The following MAP3K20 variants were observed in gnomAD, a reference collection of about 807,000 sequenced individuals.
MAP3K20 encodes mitogen-activated protein kinase kinase kinase 20.
MAP3K20 carries 40 observed loss-of-function variants against 85.7 expected under a neutral mutation model. That is an observed-to-expected ratio of 0.47 (90% CI 0.36 to 0.61). MAP3K20 has a LOEUF of 0.61. MAP3K20 is among the 20% of genes least tolerant of loss of function. The pLI is 0.00. For missense variants in MAP3K20, 817 were observed against 961.7 expected, an observed-to-expected ratio of 0.85 and a Z score of 1.99; for synonymous variants, 325 against 327.7, an observed-to-expected ratio of 0.99 and a Z score of 0.09.
rs947503119 is a variant in MAP3K20, at chr2:173,198,129, C to A, written c.669+17C>A. On this transcript the variant is annotated intron_variant, in intron 8 of 19. Transcript: ENST00000375213. The surrounding 1 kb of genome is among the most constrained non-coding windows in gnomAD (Gnocchi z 5.8). ...AAAAACGAGGTAAGACTACGTTTCT[C>A]CATTCAGGTACATAGATCAGAAAAC... 1 of 1,604,814 alleles carries A rather than the reference C, an allele frequency of 6.2e-7. No homozygotes were observed. Among genetic ancestry groups the A allele is most frequent in the South Asian group, 1.1e-5 (1 of 90,352 alleles).
chr2:173,128,184 C>T (rs1323463364), intron 2 of MAP3K20, among the ~76,000 whole-genome samples: 1 of 152,158 alleles, frequency 6.6e-6, no homozygotes, highest in African/African-American at 2.4e-5. Context: ...ACTCCTCCTC[C>T]TTCATGCCTT....
In MAP3K20 at chr2:173,266,046, G is replaced by T; in HGVS notation, c.1703-4G>T. The stretch of plus-strand genomic sequence containing the variant: ...AAAGATGCTCATTTCCATTTCTCCC[G>T]CAGGTGCTGATTGCCAGTGGTTAGA... On this transcript the variant is annotated splice_polypyrimidine_tract_variant and splice_region_variant and intron_variant, in intron 19 of 19. Transcript: ENST00000375213. 1 of 1,556,104 alleles carries T rather than the reference G, an allele frequency of 6.4e-7. No homozygotes were observed. The highest frequency in any genetic ancestry group is 8.7e-7 in the Non-Finnish European group (1 of 1,147,366).
At chr2:173,217,318 A>T (rs1015549292) in intron 11 of MAP3K20, 68 bp downstream of exon 11, 7 of 1,356,564 alleles carry the variant, frequency 5.2e-6, no homozygotes, top group Non-Finnish European at 6.7e-6. Flanking sequence ...GCATGGCAGC[A>T]TGGCACCTCT....
chr2:173,198,282 C>A lies in MAP3K20; in HGVS notation c.669+170C>A. ...TGATGTTATTCCTCATGAATGGACC[C>A]TTTACATCTAATTGTTGCAGCTTCA... On this transcript the variant is annotated intron_variant, in intron 8 of 19. Coordinates refer to ENST00000375213, the MANE Select transcript of MAP3K20 (RefSeq NM_016653.3). The surrounding 1 kb of genome is among the most constrained non-coding windows in gnomAD (Gnocchi z 5.8). 1 of 498,400 alleles carries A rather than the reference C, an allele frequency of 2.0e-6. No individual in the cohort carries two copies. The highest frequency in any genetic ancestry group is 3.5e-6 in the Non-Finnish European group (1 of 282,216). 30.9% of individuals were successfully genotyped at this position (498,400 alleles called of 1,614,324 possible). A position where few individuals can be genotyped will look rare whatever the true frequency, so the allele number is the denominator to read the frequency against.
intron 2 of MAP3K20, among the ~76,000 whole-genome samples, chr2:173,148,469 T>C (rs192147119): frequency 5.9e-5 from 9 of 152,344 alleles, no homozygotes; most frequent in African/African-American, 2.2e-4. Flanking sequence ...TATCTCCTGA[T>C]ATCCTTAGGA....
rs559188592 is a variant in MAP3K20 at position 173,126,847 on chromosome 2, G to A, written c.159+35657G>A. Among the ~76,000 whole-genome samples the A allele has an allele frequency of 9.2e-5, 14 of 152,282 alleles. No individual in the cohort carries two copies. The East Asian group carries it at 2.3e-3, about 25-fold the overall frequency. On this transcript the variant is annotated intron_variant, in intron 2 of 19. Coordinates refer to ENST00000375213, the MANE Select transcript of MAP3K20 (RefSeq NM_016653.3). ...GACATTCTGTAGGCAGCATCCACAC[G>A]TTTAACTCTGACATTGATTTCTGCA... is the stretch of plus-strand genomic sequence containing the variant.
At chr2:173,113,124 C>T (rs1485557301) in intron 2 of MAP3K20, among the ~76,000 whole-genome samples, 2 of 151,436 alleles carry the variant, frequency 1.3e-5, no homozygotes, top group African/African-American at 2.4e-5. Flanking sequence ...GGTATCTAAG[C>T]TAGGAGGGTT....
chr2:173,087,410 G>A (rs76130746), intron 1 of MAP3K20, among the ~76,000 whole-genome samples: 2,336 of 152,272 alleles, frequency 0.015, 58 homozygotes, highest in African/African-American at 0.053. Flanking sequence ...GCAGTTCCTC[G>A]TGTGTGTATG....
At chr2:173,160,442 AG>A (rs1689624580) in intron 2 of MAP3K20, 1 of 152,228 alleles carries the variant, frequency 6.6e-6, no homozygotes, top group South Asian at 2.1e-4. Flanking sequence ...ATTTAAAAAA[AG>A]CCCTGGTTAT....
chr2:173,161,571 CAT>C (rs1042328489), intron 2 of MAP3K20, among the ~76,000 whole-genome samples: 2 of 152,124 alleles, frequency 1.3e-5, no homozygotes, highest in African/African-American at 2.4e-5. Flanking sequence ...TTTTCTCACT[CAT>C]GTGGTATTAT....
chr2:173,188,025 A>G (rs1335325428), intron 5 of MAP3K20, among the ~76,000 whole-genome samples: 1 of 152,146 alleles, frequency 6.6e-6, no homozygotes, highest in Admixed American at 6.6e-5. Context: ...TGCACTATCA[A>G]TTTTGAATTT....
intron 8 of MAP3K20, among the ~76,000 whole-genome samples, chr2:173,200,435 G>A (rs1456397468): frequency 2.0e-5 from 3 of 152,070 alleles, no homozygotes; most frequent in Non-Finnish European, 4.4e-5. Context: ...AATATTTTGG[G>A]TTATGGGTTG....
chr2:173,194,896 C>T (rs191087176), intron 7 of MAP3K20, among the ~76,000 whole-genome samples: 17 of 152,220 alleles, frequency 1.1e-4, no homozygotes, highest in Non-Finnish European at 2.9e-5. Context: ...GTTGATAAAC[C>T]TTTGTTGCTT....
At chr2:173,078,178 G>A (rs6433394) in intron 1 of MAP3K20, among the ~76,000 whole-genome samples, 151,188 of 152,364 alleles carry the variant, frequency 0.99, 75,027 homozygotes, top group Middle Eastern at 1. Flanking sequence ...GAGAGAATCA[G>A]TGGTTTTTTT....
intron 1 of MAP3K20, among the ~76,000 whole-genome samples, 194 bp downstream of exon 1, chr2:173,076,196 G>GGCGAGCGA (rs541207482): frequency 6.6e-6 from 1 of 151,560 alleles, no homozygotes; most frequent in Non-Finnish European, 1.5e-5. Flanking sequence ...CGAGCGGGCG[G>GGCGAGCGA]GCGAGCGAGC....
At chr2:173,264,942 C>T (rs987686365) in intron 19 of MAP3K20, among the ~76,000 whole-genome samples, 7 of 152,194 alleles carry the variant, frequency 4.6e-5, no homozygotes, top group South Asian at 2.1e-4. Flanking sequence ...CAGAGATCCG[C>T]GCAACAATGT....
intron 14 of MAP3K20, among the ~76,000 whole-genome samples, chr2:173,233,512 G>A (rs1298506469): frequency 1.3e-5 from 2 of 152,162 alleles, no homozygotes; most frequent in African/African-American, 4.8e-5. Flanking sequence ...TGGTCATTGT[G>A]ACTAATCTTG....
chr2:173,191,289 G>T lies in MAP3K20; in HGVS notation c.582+112G>T. On this transcript the variant is annotated intron_variant, in intron 7 of 19. Coordinates refer to ENST00000375213, the MANE Select transcript of MAP3K20 (RefSeq NM_016653.3). ...TATTTTTATTTGAGACTGTACTGCT[G>T]GTGGAATGCCTAAAGCAGCACCATT... 4 of 1,418,280 alleles carry T rather than the reference G, an allele frequency of 2.8e-6. No homozygotes were observed. The South Asian group carries it at 5.7e-5, about 20-fold the overall frequency. 87.9% of individuals were successfully genotyped at this position (1,418,280 alleles called of 1,614,324 possible). A position where few individuals can be genotyped will look rare whatever the true frequency, so the allele number is the denominator to read the frequency against.
chr2:173,108,092 T>C (rs1437382636), intron 2 of MAP3K20, among the ~76,000 whole-genome samples: 3 of 152,208 alleles, frequency 2.0e-5, no homozygotes, highest in Non-Finnish European at 4.4e-5. Flanking sequence ...CAATATTTTG[T>C]CATTTACTTA....
Sources: gnomAD v4.1 joint callset for allele counts (sites outside exome capture counted in the v4.1 genomes callset) on GRCh38, gnomAD v4.1.1 for gene constraint, Gnocchi (gnomAD v3.1) non-coding constraint, MANE v1.5 for transcripts, NCBI Gene and HGNC (gene_info 2026-07-23, HGNC 2026-07-21) for gene names.